GLIS1: variants seen among roughly 807,000 people sequenced by gnomAD.
The protein encoded by GLIS1 is GLIS family zinc finger 1, also known as zinc finger protein GLIS1.
A neutral mutation model predicts 63.8 loss-of-function variants in GLIS1; 24 were observed. That is an observed-to-expected ratio of 0.38 (90% confidence interval 0.27 to 0.53). The LOEUF is 0.53. GLIS1 is among the 20% of genes least tolerant of loss of function. The pLI is 0.85. For missense variants in GLIS1, 1,036 were observed against 1,074.1 expected, an observed-to-expected ratio of 0.96 and a Z score of 0.50; for synonymous variants, 450 against 482.5, an observed-to-expected ratio of 0.93 and a Z score of 0.88.
At chr1:53,663,941 G>A (rs577364527) in intron 2 of GLIS1, among the ~76,000 whole-genome samples, 4 of 95,884 alleles carry the variant, frequency 4.2e-5, no homozygotes, top group East Asian at 8.8e-4. Context: ...AAGACTAGCC[G>A]GGGGGCTCTA....
intron 2 of GLIS1, among the ~76,000 whole-genome samples, chr1:53,604,310 T>C (rs1879736): frequency 0.8 from 122,450 of 152,222 alleles, 54,054 homozygotes; most frequent in Non-Finnish European, 0.99. Context: ...CAGGATGGCG[T>C]AGCCTAAACG....
chr1:53,531,883 G>A (rs915386421), intron 4 of GLIS1, among the ~76,000 whole-genome samples: 5 of 152,162 alleles, frequency 3.3e-5, no homozygotes, highest in Non-Finnish European at 5.9e-5. Context: ...GGCCCTGCCC[G>A]AGCCCTGAAC....
At chr1:53,653,493 G>A (rs1022204001) in intron 2 of GLIS1, among the ~76,000 whole-genome samples, 1 of 152,094 alleles carries the variant, frequency 6.6e-6, no homozygotes, top group Non-Finnish European at 1.5e-5. Flanking sequence ...GTTCTGTCTC[G>A]TGGTCTCTTT....
At chr1:53,565,513 G>A (rs1362306436) in intron 4 of GLIS1, among the ~76,000 whole-genome samples, 1 of 151,796 alleles carries the variant, frequency 6.6e-6, no homozygotes, top group Non-Finnish European at 1.5e-5. Context: ...CACAAAAAAA[G>A]GAATAATATT....
intron 2 of GLIS1, among the ~76,000 whole-genome samples, chr1:53,674,711 C>T (rs1420499411): frequency 6.6e-6 from 1 of 152,208 alleles, no homozygotes; most frequent in Non-Finnish European, 1.5e-5. Flanking sequence ...TAATGAAGTA[C>T]TTGATGATGT....
At chr1:53,694,195 G>C (rs1294521373) in intron 2 of GLIS1, among the ~76,000 whole-genome samples, 1 of 152,164 alleles carries the variant, frequency 6.6e-6, no homozygotes, top group Non-Finnish European at 1.5e-5. Flanking sequence ...GAGTTTGAAA[G>C]ACCAATGGGA....
intron 2 of GLIS1, among the ~76,000 whole-genome samples, chr1:53,601,828 CA>C (rs1645320941): frequency 6.6e-6 from 1 of 152,222 alleles, no homozygotes; most frequent in Non-Finnish European, 1.5e-5. Context: ...AGCCCACCCT[CA>C]AGGCAGTTCC....
rs1489846515 is a variant in GLIS1, at chr1:53,679,719, G to GTCA, written c.259+58086_259+58087insTGA. Among the ~76,000 whole-genome samples, 462 of 152,314 alleles carry GTCA rather than the reference G, an allele frequency of 3.0e-3. 2 individuals are homozygous for GTCA. Among genetic ancestry groups the GTCA allele is most frequent in the African/African-American group, 0.011 (452 of 41,584 alleles). ...TTGGCTGCTCTGAGCATGCTTCCTT[G>GTCA]GGACAGCAATCACTCCTGCCTTCTG... On this transcript the variant is annotated intron_variant, in intron 2 of 10. Transcript: ENST00000628545.
At chr1:53,545,351 C>A (rs575835022) in intron 4 of GLIS1, among the ~76,000 whole-genome samples, 1 of 152,330 alleles carries the variant, frequency 6.6e-6, no homozygotes, top group Admixed American at 6.5e-5. Context: ...GCAGTCTGGG[C>A]AGAGTCCCCA....
chr1:53,509,782 C>T (rs1044941141), intron 9 of GLIS1, 67 bp downstream of exon 9: 32 of 1,003,674 alleles, frequency 3.2e-5, no homozygotes, highest in African/African-American at 2.5e-4. Flanking sequence ...ACTGTCTCCT[C>T]GTTCCTCTGG....
At position 53,737,889 on chromosome 1, in the gene GLIS1, G is replaced by T. The variant is rs1646927804; in HGVS notation, c.176C>A (p.Ala59Glu). The T allele has an allele frequency of 8.1e-7, 1 of 1,230,694 alleles. No homozygotes were observed. The highest frequency in any genetic ancestry group is 3.2e-5 in the East Asian group (1 of 31,644). The allele number at this position is 1,230,694 out of a possible 1,614,324, so 76.2% of individuals were successfully genotyped here. Residue 59 changes from alanine to glutamate, a missense_variant, in exon 2 of 11, where the codon GCG becomes GAG. Transcript: ENST00000628545. ...GAGGTCGTGGGCGCGCGGTGGCGGCGCAGGCGGCCGGGCTAGCAGGTCCCG... is the reference window on the plus strand; with the variant it reads ...GAGGTCGTGGGCGCGCGGTGGCGGCTCAGGCGGCCGGGCTAGCAGGTCCCG... The part of the protein sequence containing the change: ...GPRDLLARPP[A>E]PPPRAHDLLR...
At chr1:53,691,231 C>T (rs935639587) in intron 2 of GLIS1, among the ~76,000 whole-genome samples, 5 of 152,148 alleles carry the variant, frequency 3.3e-5, no homozygotes, top group South Asian at 2.1e-4. Context: ...GGCGCACTCC[C>T]GCTGTGTCCC....
intron 6 of GLIS1, among the ~76,000 whole-genome samples, chr1:53,523,852 C>A (rs952414059): frequency 2.0e-5 from 3 of 152,196 alleles, no homozygotes; most frequent in Non-Finnish European, 4.4e-5. Flanking sequence ...CTCGATGGCA[C>A]CCACTGTGCC....
At chr1:53,640,709 C>T (rs12753604) in intron 2 of GLIS1, among the ~76,000 whole-genome samples, 74,486 of 152,058 alleles carry the variant, frequency 0.49, 21,487 homozygotes, top group Non-Finnish European at 0.63. Flanking sequence ...AAGTAAGTAA[C>T]GTGCCCAAAG....
chr1:53,688,906 G>A (rs910528498), intron 2 of GLIS1: 4 of 152,210 alleles, frequency 2.6e-5, no homozygotes, highest in Non-Finnish European at 4.4e-5. Context: ...AATCCATGAA[G>A]GCCCAAGAGT....
intron 2 of GLIS1, among the ~76,000 whole-genome samples, chr1:53,673,985 A>C (rs1211990907): frequency 3.3e-5 from 5 of 152,108 alleles, no homozygotes; most frequent in Non-Finnish European, 7.4e-5. Flanking sequence ...CAGCCTGACC[A>C]ACATGGTGAA....
At chr1:53,677,345 G>C (rs758869745) in intron 2 of GLIS1, among the ~76,000 whole-genome samples, 6 of 152,248 alleles carry the variant, frequency 3.9e-5, no homozygotes, top group Non-Finnish European at 8.8e-5. Flanking sequence ...AAGCTGCCGA[G>C]TGGCTGGCCA....
intron 2 of GLIS1, among the ~76,000 whole-genome samples, chr1:53,668,259 C>T (rs7514580): frequency 0.053 from 8,124 of 152,288 alleles, 289 homozygotes; most frequent in African/African-American, 0.11. Flanking sequence ...CACATACACT[C>T]GTGCTCCACA....
chr1:53,529,150 G>T (rs1213996437), intron 5 of GLIS1, among the ~76,000 whole-genome samples: 1 of 152,242 alleles, frequency 6.6e-6, no homozygotes, highest in African/African-American at 2.4e-5. Flanking sequence ...ATGGAGGGCT[G>T]CCTGGGCAGA....
Sources: gnomAD v4.1 joint callset for allele counts (sites outside exome capture counted in the v4.1 genomes callset) on GRCh38, gnomAD v4.1.1 for gene constraint, MANE v1.5 for transcripts, NCBI Gene and HGNC (gene_info 2026-07-23, HGNC 2026-07-21) for gene names.